PATJ: variants seen among roughly 807,000 people sequenced by gnomAD.
PATJ encodes the protein inaD-like protein.
PATJ carries 190 observed loss-of-function variants against 224.9 expected under a neutral mutation model. That is an observed-to-expected ratio of 0.84 (90% CI 0.75 to 0.95). PATJ has a LOEUF of 0.95. Ranked by LOEUF, PATJ falls within the 40% of genes least tolerant of loss-of-function variation. The probability of loss-of-function intolerance (pLI) is 0.00; values close to 1 mark genes in which losing one functional copy is unlikely to be tolerated. For missense variants in PATJ, 2,121 were observed against 2,270.3 expected (o/e 0.93, Z 1.34); for synonymous variants, 769 against 820.3 (o/e 0.94, Z 1.07).
At position 61,797,295 on chromosome 1, in the gene PATJ, C is replaced by T. The variant is rs372375743; in HGVS notation, c.1269C>T (p.Gly423=). The T allele has an allele frequency of 2.9e-5, 47 of 1,611,718 alleles. No homozygotes were observed. The highest frequency in any genetic ancestry group is 1.0e-4 in the Admixed American group (6 of 59,938). The change falls in exon 11 of 44, where the codon GGC becomes GGT. Residue 423 remains glycine (G), a synonymous_variant. Transcript: ENST00000642238. ...QVNDKIVAVD[G]VNIQGFANHD... ...TTCTCTTGATGTTTTAGGTCGATGG[C>T]GTGAACATTCAGGGTTTTGCCAACC...
chr1:61,975,117 T>C (rs1283316788), intron 27 of PATJ, among the ~76,000 whole-genome samples: 1 of 151,882 alleles, frequency 6.6e-6, no homozygotes. Context: ...GCTAATGTTC[T>C]TTTATTTTTT....
Position 62,114,583 on chromosome 1 carries a change from A to C in PATJ, c.4655+337A>C, listed in dbSNP as rs1217356838. ...ACCCAAGAAATAGCTAGCATCAAGAATGAGATTTATCCAATGTTGGGTCAA... is the reference window on the plus strand; with the variant it reads ...ACCCAAGAAATAGCTAGCATCAAGACTGAGATTTATCCAATGTTGGGTCAA... On this transcript the variant is annotated intron_variant, in intron 35 of 43. Coordinates refer to ENST00000642238, the MANE Select transcript of PATJ (RefSeq NM_001350145.3). The C allele has an allele frequency of 1.9e-5, 4 of 207,838 alleles. No individual in the cohort carries two copies. In the East Asian group the frequency reaches 4.5e-4, roughly 23 times the overall value. The allele number at this position is 207,838 out of a possible 1,614,324, so 12.9% of individuals were successfully genotyped here. A position where few individuals can be genotyped will look rare whatever the true frequency, so the allele number is the denominator to read the frequency against.
chr1:62,087,036 G>A (rs1352939618), intron 33 of PATJ, among the ~76,000 whole-genome samples: 1 of 152,202 alleles, frequency 6.6e-6, no homozygotes, highest in South Asian at 2.1e-4. Context: ...TCCCCACCAG[G>A]GAGGGCAAAG....
rs558320529 is a variant in PATJ, at chr1:61,902,110, A to T, written c.3381+651A>T. Among the ~76,000 whole-genome samples the T allele has an allele frequency of 6.4e-4, 97 of 151,982 alleles. No individual in the cohort carries two copies. The South Asian group carries it at 0.02, about 31-fold the overall frequency. Reference sequence around the variant, plus strand: ...GTGGCACGTGCCTGTATTCCTAGCTACTCAGGAGGCTGAGACAGGAGAATC... The same window carrying T: ...GTGGCACGTGCCTGTATTCCTAGCTTCTCAGGAGGCTGAGACAGGAGAATC... On this transcript the variant is annotated intron_variant, in intron 24 of 43. Transcript: ENST00000642238.
chr1:62,131,901 T>G (rs2148958137), intron 41 of PATJ, among the ~76,000 whole-genome samples: 1 of 151,526 alleles, frequency 6.6e-6, no homozygotes, highest in Admixed American at 6.6e-5. Context: ...GGAGTCTCGC[T>G]CTGTTGTCTA....
chr1:62,158,131 G>A (rs1256359560), intron 43 of PATJ, among the ~76,000 whole-genome samples: 1 of 149,578 alleles, frequency 6.7e-6, no homozygotes, highest in African/African-American at 2.4e-5. Context: ...AGAAGACTAA[G>A]TGACCAACTT....
At chr1:62,084,438 A>C in intron 32 of PATJ, 77 bp from the exon 33 acceptor site, 2 of 1,475,360 alleles carry the variant, frequency 1.4e-6, no homozygotes, top group Non-Finnish European at 1.8e-6. Flanking sequence ...CAAGCCCCAC[A>C]CTCCCCACGT....
chr1:62,101,894 C>A (rs1558169039), intron 33 of PATJ, among the ~76,000 whole-genome samples: 1 of 152,140 alleles, frequency 6.6e-6, no homozygotes, highest in East Asian at 1.9e-4. Context: ...TTTAAAGTAT[C>A]CAGGCTGGGC....
chr1:61,972,214 T>C (rs528143358), intron 27 of PATJ, among the ~76,000 whole-genome samples: 1 of 152,124 alleles, frequency 6.6e-6, no homozygotes, highest in South Asian at 2.1e-4. Context: ...TTTTATACAA[T>C]ATTTTAAATA....
chr1:62,043,704 GT>G (rs1396513403), intron 30 of PATJ, among the ~76,000 whole-genome samples: 4 of 144,582 alleles, frequency 2.8e-5, no homozygotes, highest in Non-Finnish European at 6.2e-5. Context: ...AACATGATGG[GT>G]TTTTTTGTTT....
chr1:61,842,793 C>A (rs1316426765), intron 17 of PATJ, among the ~76,000 whole-genome samples: 1 of 44,228 alleles, frequency 2.3e-5, no homozygotes, highest in African/African-American at 7.3e-5. Flanking sequence ...AACAGTTAAT[C>A]GAAAGAAGAA....
intron 26 of PATJ, chr1:61,918,047 GTC>G (rs1673700511): frequency 6.9e-6 from 1 of 144,400 alleles, no homozygotes; most frequent in African/African-American, 2.6e-5. Flanking sequence ...GCGAGACTCT[GTC>G]TCAAAAAAAA....
intron 8 of PATJ, among the ~76,000 whole-genome samples, chr1:61,789,656 A>G (rs1400409620): frequency 1.3e-5 from 2 of 152,062 alleles, no homozygotes; most frequent in African/African-American, 2.4e-5. Context: ...TACTAAAAAT[A>G]CAAAGGTTAG....
chr1:61,926,802 C>T (rs1429500330), intron 26 of PATJ, among the ~76,000 whole-genome samples: 2 of 152,198 alleles, frequency 1.3e-5, no homozygotes, highest in Non-Finnish European at 2.9e-5. Context: ...TTATTACAAG[C>T]CTGCTTTCTG....
chr1:61,837,789 T>TAAAA (rs79022630), intron 17 of PATJ, among the ~76,000 whole-genome samples: 5 of 124,924 alleles, frequency 4.0e-5, no homozygotes, highest in Admixed American at 2.5e-4. Context: ...GACTCTGTCT[T>TAAAA]AAAAAAAAAA....
At chr1:62,002,742 A>G (rs112641155) in intron 28 of PATJ, among the ~76,000 whole-genome samples, 9 of 148,850 alleles carry the variant, frequency 6.0e-5, no homozygotes, top group South Asian at 2.1e-4. Context: ...AAAGAGAGAG[A>G]GAAACTGGAG....
chr1:61,831,450 T>C (rs956214087), intron 16 of PATJ, among the ~76,000 whole-genome samples: 1 of 152,078 alleles, frequency 6.6e-6, no homozygotes, highest in Non-Finnish European at 1.5e-5. Context: ...AAAGATCTAA[T>C]ATCCAAGAAT....
intron 31 of PATJ, among the ~76,000 whole-genome samples, chr1:62,068,172 G>C (rs1295577083): frequency 1.3e-5 from 2 of 152,202 alleles, no homozygotes; most frequent in Non-Finnish European, 2.9e-5. Context: ...GGATGCATCT[G>C]AGTTTGTTAT....
chr1:61,791,096 T>C (rs1298125030), intron 8 of PATJ, among the ~76,000 whole-genome samples: 1 of 152,178 alleles, frequency 6.6e-6, no homozygotes, highest in African/African-American at 2.4e-5. Flanking sequence ...CTCTTTCTGC[T>C]ACCAGCAGGA....
Sources: allele counts gnomAD v4.1 joint callset (sites outside exome capture counted in the v4.1 genomes callset), GRCh38; gene constraint gnomAD v4.1.1; transcripts MANE v1.5; gene names NCBI Gene and HGNC (gene_info 2026-07-23, HGNC 2026-07-21).